Variants in NTM observed in about 807,000 individuals in gnomAD.
NTM encodes IgLON family member 2.
Under a neutral mutation model 42.1 loss-of-function variants are expected in NTM, and 13 were observed. That is an observed-to-expected ratio of 0.31 (90% confidence interval 0.20 to 0.49). The LOEUF (loss-of-function observed/expected upper bound fraction) is 0.49, where lower values mean the gene tolerates loss of function less well. NTM is among the 20% of genes least tolerant of loss of function. The pLI is 0.99. For synonymous variants in NTM, 187 were observed against 179.2 expected (o/e 1.04, Z -0.35); for missense variants, 373 against 452.8 (o/e 0.82, Z 1.60).
intron 2 of NTM, among the ~76,000 whole-genome samples, chr11:132,096,896 T>C (rs1200523173): frequency 6.6e-6 from 1 of 152,198 alleles, no homozygotes; most frequent in Non-Finnish European, 1.5e-5. Context: ...ATGCTGGCCC[T>C]GGGAGTGTAC....
At chr11:132,126,790 G>C (rs1213292885) in intron 2 of NTM, among the ~76,000 whole-genome samples, 1 of 152,128 alleles carries the variant, frequency 6.6e-6, no homozygotes. Flanking sequence ...ATTTGTGCTG[G>C]CTGCGACCTT....
At chr11:132,039,856 C>T (rs1053869683) in intron 2 of NTM, among the ~76,000 whole-genome samples, 2 of 152,164 alleles carry the variant, frequency 1.3e-5, no homozygotes, top group African/African-American at 4.8e-5. Context: ...TGAAATCTAC[C>T]ATATTCACCT....
intron 1 of NTM, among the ~76,000 whole-genome samples, chr11:131,846,828 G>A (rs1263118061): frequency 6.6e-6 from 1 of 152,114 alleles, no homozygotes; most frequent in Non-Finnish European, 1.5e-5. Context: ...TGGGAGCTGA[G>A]CCCTAGGCTC....
chr11:131,590,536 C>CGACA (rs2059271438), intron 1 of NTM, among the ~76,000 whole-genome samples: 1 of 152,176 alleles, frequency 6.6e-6, no homozygotes, highest in Non-Finnish European at 1.5e-5. Context: ...AGTGCCAAGC[C>CGACA]AGGTGTCCCC....
chr11:132,067,138 A>G (rs2056629492), intron 2 of NTM, among the ~76,000 whole-genome samples: 1 of 152,038 alleles, frequency 6.6e-6, no homozygotes, highest in Non-Finnish European at 1.5e-5. Context: ...TAATTTTTGT[A>G]TTTTATAGGG....
intron 1 of NTM, chr11:131,536,093 C>T (rs1012621800): frequency 6.6e-6 from 1 of 152,152 alleles, no homozygotes; most frequent in Admixed American, 6.5e-5. Flanking sequence ...CCGTATCTTC[C>T]CTAAGGCAGT....
In NTM at chr11:131,598,872, CCTT is replaced by C. The variant is rs1340738887; in HGVS notation, c.82+227989_82+227991del. Among the ~76,000 whole-genome samples, 170 of 34,382 alleles carry C rather than the reference CCTT, an allele frequency of 4.9e-3. 21 individuals are homozygous for C. The highest frequency in any genetic ancestry group is 0.01 in the African/African-American group (122 of 11,640). 22.6% of individuals were successfully genotyped at this position (34,382 alleles called of 152,430 possible). A position where few individuals can be genotyped will look rare whatever the true frequency, so the allele number is the denominator to read the frequency against. ...TTCTTCCTTCCTTCCTTCCTTCCTT[CCTT>C]CTTCCTTCCTTCCTTCCTTCCTTCC... On this transcript the variant is annotated intron_variant, in intron 1 of 8. Transcript: ENST00000683400.
chr11:132,120,563 A>T (rs1017464963), intron 2 of NTM, among the ~76,000 whole-genome samples: 1 of 152,196 alleles, frequency 6.6e-6, no homozygotes, highest in African/African-American at 2.4e-5. Flanking sequence ...CCATATAAAG[A>T]ATAGGACCTC....
At chr11:131,476,102 T>C (rs1952909545) in intron 1 of NTM, among the ~76,000 whole-genome samples, 1 of 151,990 alleles carries the variant, frequency 6.6e-6, no homozygotes, top group South Asian at 2.1e-4. Flanking sequence ...AAAGCCTGTG[T>C]ATTCTTCTTA....
At chr11:132,257,928 G>A (rs570188500) in intron 4 of NTM, among the ~76,000 whole-genome samples, 73 of 152,290 alleles carry the variant, frequency 4.8e-4, no homozygotes, top group African/African-American at 1.3e-3. Context: ...CTCACCTGCC[G>A]TCCTAGTGGA....
intron 3 of NTM, among the ~76,000 whole-genome samples, chr11:132,189,472 A>G (rs1001109773): frequency 1.3e-5 from 2 of 152,220 alleles, no homozygotes; most frequent in Non-Finnish European, 2.9e-5. Flanking sequence ...CCTTCTCAGT[A>G]AAGAAGAGCT....
intron 1 of NTM, among the ~76,000 whole-genome samples, chr11:131,551,206 T>C (rs1312079738): frequency 6.6e-6 from 1 of 152,162 alleles, no homozygotes; most frequent in Non-Finnish European, 1.5e-5. Flanking sequence ...CTTTGTACCA[T>C]TTCATGGAGA....
At chr11:131,495,431 C>T (rs992352603) in intron 1 of NTM, among the ~76,000 whole-genome samples, 6 of 152,226 alleles carry the variant, frequency 3.9e-5, no homozygotes, top group Non-Finnish European at 8.8e-5. Flanking sequence ...GGCCCAGGGG[C>T]CAGGAAAGCT....
intron 6 of NTM, among the ~76,000 whole-genome samples, chr11:132,311,213 GGTCA>G (rs2095270410): frequency 6.6e-6 from 1 of 152,126 alleles, no homozygotes; most frequent in African/African-American, 2.4e-5. Context: ...TTCCTTATGA[GGTCA>G]GTCAGAAACC....
At chr11:132,234,603 C>G (rs986376284) in intron 4 of NTM, among the ~76,000 whole-genome samples, 4 of 152,166 alleles carry the variant, frequency 2.6e-5, no homozygotes, top group African/African-American at 9.7e-5. Context: ...CTCAGGACCT[C>G]TCAGAATCCC....
chr11:132,260,031 C>T (rs914906180), intron 4 of NTM, among the ~76,000 whole-genome samples: 7 of 151,982 alleles, frequency 4.6e-5, no homozygotes, highest in Admixed American at 1.3e-4. Context: ...GCCTGGGTGG[C>T]GGGAGCAGGA....
rs889966364 is a variant in NTM at position 132,146,085 on chromosome 11, G to A, written c.168-197G>A. On this transcript the variant is annotated intron_variant, in intron 2 of 8. Transcript: ENST00000683400. The surrounding 1 kb of genome is among the most constrained non-coding windows in gnomAD (Gnocchi z 4.5). ...GTGCTCAAGTGGTTTGAGAAGCTCC[G>A]AGCAACATTCTGAGGCTGTAATCCC... is the stretch of plus-strand genomic sequence containing the variant. 7 of 344,904 alleles carry A rather than the reference G, an allele frequency of 2.0e-5. No individual in the cohort carries two copies. The highest frequency in any genetic ancestry group is 2.9e-5 in the Non-Finnish European group (7 of 244,704). 21.4% of individuals were successfully genotyped at this position (344,904 alleles called of 1,614,324 possible).
chr11:131,515,276 G>A (rs554368543), intron 1 of NTM, among the ~76,000 whole-genome samples: 4 of 152,260 alleles, frequency 2.6e-5, no homozygotes, highest in African/African-American at 7.2e-5. Flanking sequence ...CACCCACAGT[G>A]TTTGCAAGGC....
At chr11:131,881,226 G>A (rs573213673) in intron 1 of NTM, among the ~76,000 whole-genome samples, 3 of 152,146 alleles carry the variant, frequency 2.0e-5, no homozygotes, top group Admixed American at 6.6e-5. Flanking sequence ...TCATTCACAC[G>A]CGTTGAGTGC....
Sources: gnomAD v4.1 joint callset for allele counts (sites outside exome capture counted in the v4.1 genomes callset) on GRCh38, gnomAD v4.1.1 for gene constraint, Gnocchi (gnomAD v3.1) non-coding constraint, MANE v1.5 for transcripts, NCBI Gene and HGNC (gene_info 2026-07-23, HGNC 2026-07-21) for gene names.